The following NREP variants were observed in gnomAD, a reference collection of about 807,000 sequenced individuals.
The protein encoded by NREP is neuronal regeneration related protein, also known as neuronal regeneration-related protein.
In NREP, 5 loss-of-function variants were observed where a neutral mutation model predicts 8.6. The observed-to-expected ratio is 0.58, with a 90% confidence interval of 0.30 to 1.22. The LOEUF is 1.22. NREP is among the 50% of genes most tolerant of loss of function. The pLI is 0.07. For missense variants in NREP, 86 were observed against 82.5 expected, an observed-to-expected ratio of 1.04 and a Z score of -0.17; for synonymous variants, 27 against 28.0, an observed-to-expected ratio of 0.96 and a Z score of 0.11.
chr5:111,916,091 T>C (rs988279111), intron 2 of NREP, among the ~76,000 whole-genome samples: 3 of 151,980 alleles, frequency 2.0e-5, no homozygotes, highest in African/African-American at 4.8e-5. Flanking sequence ...TTAGGAGCCA[T>C]AGTCGCAAGC....
At chr5:111,849,980 G>T (rs1403130027) in intron 2 of NREP, among the ~76,000 whole-genome samples, 1 of 152,100 alleles carries the variant, frequency 6.6e-6, no homozygotes, top group African/African-American at 2.4e-5. Context: ...TGATGATTGT[G>T]GACTCACCAT....
chr5:111,730,814 A>C lies in NREP; in HGVS notation c.*107T>G. 1 of 1,281,850 alleles carries C rather than the reference A, an allele frequency of 7.8e-7. No homozygotes were observed. Among genetic ancestry groups the C allele is most frequent in the Non-Finnish European group, 1.1e-6 (1 of 925,430 alleles). 79.4% of individuals were successfully genotyped at this position (1,281,850 alleles called of 1,614,324 possible). A position where few individuals can be genotyped will look rare whatever the true frequency, so the allele number is the denominator to read the frequency against. Reference sequence around the variant, plus strand: ...TCTAAAGCAAGGCTCAGAGTCCCATAGTTTCTTCTTATACTTGATGATTTA... The same window carrying C: ...TCTAAAGCAAGGCTCAGAGTCCCATCGTTTCTTCTTATACTTGATGATTTA... On this transcript the variant is annotated 3_prime_UTR_variant, in exon 4 of 4. Coordinates refer to ENST00000257435, the MANE Select transcript of NREP (RefSeq NM_004772.4).
chr5:111,845,326 A>G (rs1163298235), intron 2 of NREP, among the ~76,000 whole-genome samples: 2 of 150,648 alleles, frequency 1.3e-5, no homozygotes, highest in African/African-American at 2.4e-5. Context: ...ATAATCTCTC[A>G]CCTGGATTCC....
chr5:111,849,591 C>CT (rs1355596497), intron 2 of NREP, among the ~76,000 whole-genome samples: 2 of 151,984 alleles, frequency 1.3e-5, no homozygotes. Flanking sequence ...GTTACATAGG[C>CT]TTTTTTAGTA....
intron 2 of NREP, among the ~76,000 whole-genome samples, chr5:111,942,855 A>C (rs1289056121): frequency 6.6e-6 from 1 of 152,046 alleles, no homozygotes; most frequent in Non-Finnish European, 1.5e-5. Context: ...AAGTTACTGG[A>C]ACTGTCCATT....
chr5:111,913,154 T>C lies in NREP; in HGVS notation c.135+62120A>G, dbSNP rs958669725. Among the ~76,000 whole-genome samples, 53 of 152,100 alleles carry C rather than the reference T, an allele frequency of 3.5e-4. 1 individual carries two copies. The highest frequency in any genetic ancestry group is 1.6e-4 in the Non-Finnish European group (11 of 67,986). On this transcript the variant is annotated intron_variant, in intron 2 of 3. Transcript: ENST00000395634. Reference sequence around the variant, plus strand: ...TCCATTTTTTACAGTAAAGGCAGGATAGAAGGTTCAGAGAGGTTAAGTAAT... The same window carrying C: ...TCCATTTTTTACAGTAAAGGCAGGACAGAAGGTTCAGAGAGGTTAAGTAAT...
At chr5:111,889,512 C>G (rs1175875837) in intron 2 of NREP, among the ~76,000 whole-genome samples, 1 of 152,318 alleles carries the variant, frequency 6.6e-6, no homozygotes, top group South Asian at 2.1e-4. Flanking sequence ...CCTAAAACTT[C>G]ATGTCCTTCT....
intron 2 of NREP, among the ~76,000 whole-genome samples, chr5:111,788,527 C>A (rs1259732783): frequency 1.3e-5 from 2 of 152,170 alleles, no homozygotes; most frequent in Non-Finnish European, 2.9e-5. Flanking sequence ...GAAGTCAGAA[C>A]TGACTGGGAA....
At chr5:111,747,609 G>C (rs1306617122) in intron 2 of NREP, among the ~76,000 whole-genome samples, 1 of 152,000 alleles carries the variant, frequency 6.6e-6, no homozygotes, top group African/African-American at 2.4e-5. Context: ...TGAGTCTTTG[G>C]CTTGGCATTT....
intron 3 of NREP, chr5:111,734,490 A>T (rs1212332291): frequency 2.6e-6 from 1 of 385,584 alleles, no homozygotes; most frequent in Non-Finnish European, 4.6e-6. Flanking sequence ...GACCTTCAAA[A>T]ATGCTCTGCA....
chr5:111,858,715 C>T (rs991602624), intron 2 of NREP, among the ~76,000 whole-genome samples: 1 of 152,044 alleles, frequency 6.6e-6, no homozygotes, highest in Admixed American at 6.6e-5. Flanking sequence ...CTTTAATATA[C>T]AAGGAAAATG....
chr5:111,891,781 T>C (rs1754400653), intron 2 of NREP, among the ~76,000 whole-genome samples: 1 of 152,130 alleles, frequency 6.6e-6, no homozygotes, highest in Non-Finnish European at 1.5e-5. Flanking sequence ...CAGCCAGATC[T>C]AGCGAGAACT....
At chr5:111,879,156 C>A (rs1267917350) in intron 2 of NREP, among the ~76,000 whole-genome samples, 1 of 152,150 alleles carries the variant, frequency 6.6e-6, no homozygotes, top group African/African-American at 2.4e-5. Context: ...CTTGCTCCCC[C>A]TCTTGCCATG....
At chr5:111,835,900 C>T (rs1443504233) in intron 2 of NREP, among the ~76,000 whole-genome samples, 3 of 152,060 alleles carry the variant, frequency 2.0e-5, no homozygotes, top group African/African-American at 7.2e-5. Flanking sequence ...AAATGGGTCC[C>T]TTCTTCATCT....
chr5:111,804,735 C>G (rs2112907806), intron 2 of NREP, among the ~76,000 whole-genome samples: 1 of 152,110 alleles, frequency 6.6e-6, no homozygotes, highest in East Asian at 1.9e-4. Flanking sequence ...CGCGCAGTGG[C>G]TCACGCCTGT....
chr5:111,973,974 T>C (rs1474566989), intron 2 of NREP, among the ~76,000 whole-genome samples: 2 of 152,246 alleles, frequency 1.3e-5, no homozygotes, highest in Admixed American at 1.3e-4. Context: ...TCAGTACACA[T>C]ACACACTCTA....
At chr5:111,817,783 C>G (rs1581139149) in intron 2 of NREP, among the ~76,000 whole-genome samples, 2 of 103,032 alleles carry the variant, frequency 1.9e-5, no homozygotes, top group Non-Finnish European at 3.5e-5. Flanking sequence ...CCAGCCTGGG[C>G]AACAGAGCAA....
At chr5:111,975,719 T>G (rs1756944069) in intron 1 of NREP, among the ~76,000 whole-genome samples, 1 of 152,196 alleles carries the variant, frequency 6.6e-6, no homozygotes, top group Admixed American at 6.5e-5. Flanking sequence ...ATGCCATATT[T>G]TCCATTTCTT....
chr5:111,863,350 T>A (rs965985342), intron 2 of NREP, among the ~76,000 whole-genome samples: 2 of 152,110 alleles, frequency 1.3e-5, no homozygotes, highest in Non-Finnish European at 2.9e-5. Flanking sequence ...ATTTTATATG[T>A]GCTAAGTGGG....
Sources: gnomAD v4.1 joint callset for allele counts (sites outside exome capture counted in the v4.1 genomes callset) on GRCh38, gnomAD v4.1.1 for gene constraint, MANE v1.5 for transcripts, NCBI Gene and HGNC (gene_info 2026-07-23, HGNC 2026-07-21) for gene names.